CYB5A: variants seen among roughly 807,000 people sequenced by gnomAD.
CYB5A encodes the protein cytochrome b5 type A.
CYB5A carries 10 observed loss-of-function variants against 16.2 expected under a neutral mutation model. That is an observed-to-expected ratio of 0.62 (90% CI 0.38 to 1.04). The LOEUF (loss-of-function observed/expected upper bound fraction) is 1.04, where lower values mean the gene tolerates loss of function less well. CYB5A is among the 50% of genes least tolerant of loss of function. The probability of loss-of-function intolerance (pLI) is 0.01; values close to 1 mark genes in which losing one functional copy is unlikely to be tolerated. For synonymous variants in CYB5A, 62 were observed against 57.0 expected (o/e 1.09, Z -0.40); for missense variants, 161 against 165.9 (o/e 0.97, Z 0.16).
chr18:74,256,116 G>A (rs181840861), intron 3 of CYB5A: 40 of 229,036 alleles, frequency 1.7e-4, no homozygotes, highest in African/African-American at 8.0e-4. Flanking sequence ...ACAATCCCAC[G>A]TCACCTTTAG....
intron 1 of CYB5A, among the ~76,000 whole-genome samples, chr18:74,285,166 A>G (rs1187242105): frequency 6.6e-6 from 1 of 152,232 alleles, no homozygotes; most frequent in East Asian, 1.9e-4. Context: ...CTTGGAAAGC[A>G]CTGGTCTATG....
intron 1 of CYB5A, among the ~76,000 whole-genome samples, chr18:74,266,043 A>C (rs1489137952): frequency 1.3e-5 from 2 of 152,168 alleles, no homozygotes; most frequent in Non-Finnish European, 2.9e-5. Context: ...GCATTCCCCA[A>C]TTTACTGAAA....
chr18:74,260,590 A>C, intron 3 of CYB5A: 1 of 396,286 alleles, frequency 2.5e-6, no homozygotes. Context: ...AAGTTCTCTG[A>C]AAATAAGGCT....
chr18:74,262,401 G>A (rs1426789996), intron 2 of CYB5A, among the ~76,000 whole-genome samples: 3 of 150,164 alleles, frequency 2.0e-5, no homozygotes, highest in Non-Finnish European at 4.4e-5. Flanking sequence ...GGTTGCAGTG[G>A]GCCGAGATCG....
intron 1 of CYB5A, among the ~76,000 whole-genome samples, chr18:74,287,197 A>G (rs1280894398): frequency 2.6e-5 from 4 of 151,720 alleles, no homozygotes; most frequent in African/African-American, 9.8e-5. Flanking sequence ...AATAATAATA[A>G]TGTTCCCATT....
Position 74,291,800 on chromosome 18 carries a change from T to G in CYB5A, c.76A>C (p.Thr26Pro), listed in dbSNP as rs773874716. The G allele has an allele frequency of 2.5e-6, 4 of 1,613,922 alleles. No homozygotes were observed. The highest frequency in any genetic ancestry group is 3.3e-5 in the Admixed American group (2 of 60,026). Residue 26 changes from threonine (T) to proline (P), a missense_variant, in exon 1 of 5, where the codon ACC (threonine) becomes CCC (proline). Physicochemically the swap from Thr to Pro is conservative, Grantham distance 38 (BLOSUM62 -1). Transcript: ENST00000340533. ...ACCTTGTGGTGCAGGATCAGCCAGG[T>G]GCTCTTGCTGTGGTTGTGCTTCTGA... ...EIQKHNHSKS[T>P]WLILHHKVYD...
intron 1 of CYB5A, 86 bp downstream of exon 1, chr18:74,291,661 C>T: frequency 6.3e-7 from 1 of 1,595,394 alleles, no homozygotes; most frequent in African/African-American, 1.3e-5. Context: ...TATGCGGACT[C>T]CGGGCCGCGA....
intron 1 of CYB5A, among the ~76,000 whole-genome samples, chr18:74,285,483 G>A (rs1157397042): frequency 2.0e-5 from 3 of 152,164 alleles, no homozygotes; most frequent in Non-Finnish European, 2.9e-5. Context: ...CCAAATTCAG[G>A]AAGGGAGGTG....
At chr18:74,268,083 T>A (rs7234337) in intron 1 of CYB5A, among the ~76,000 whole-genome samples, 1 of 152,206 alleles carries the variant, frequency 6.6e-6, no homozygotes, top group Non-Finnish European at 1.5e-5. Context: ...CAAACACACA[T>A]GAACGTCTCC....
intron 1 of CYB5A, among the ~76,000 whole-genome samples, chr18:74,284,419 C>T (rs1435495647): frequency 1.3e-5 from 2 of 152,072 alleles, no homozygotes; most frequent in Non-Finnish European, 2.9e-5. Flanking sequence ...TAAAGAATAG[C>T]ATTTACTTGG....
At chr18:74,272,425 T>A (rs1393736460) in intron 1 of CYB5A, among the ~76,000 whole-genome samples, 1 of 152,216 alleles carries the variant, frequency 6.6e-6, no homozygotes, top group Non-Finnish European at 1.5e-5. Context: ...GCACCCTTTC[T>A]GCAGAAAGTA....
At position 74,276,263 on chromosome 18, in the gene CYB5A, T is replaced by C. The variant is rs148448340; in HGVS notation, c.130-12786A>G. On this transcript the variant is annotated intron_variant, in intron 1 of 4. Coordinates refer to ENST00000340533, the MANE Select transcript of CYB5A (RefSeq NM_148923.4). The stretch of plus-strand genomic sequence containing the variant: ...TGAAGCCCAGTGCCACACTGATAGC[T>C]CACGAGGGAGGTGGGACGGGAACCC... Among the ~76,000 whole-genome samples the C allele has an allele frequency of 3.7e-3, 559 of 152,132 alleles. 1 individual carries two copies. Among genetic ancestry groups the C allele is most frequent in the Middle Eastern group, 0.01 (3 of 294 alleles).
intron 1 of CYB5A, among the ~76,000 whole-genome samples, chr18:74,281,743 C>CTG (rs112934460): frequency 0.03 from 4,107 of 138,810 alleles, 117 homozygotes; most frequent in African/African-American, 0.065. Flanking sequence ...TCAAGGGAGG[C>CTG]TGTGTGTGTG....
chr18:74,264,201 A>T (rs1251069703), intron 1 of CYB5A, among the ~76,000 whole-genome samples: 64 of 78,780 alleles, frequency 8.1e-4, no homozygotes, highest in African/African-American at 2.8e-3. Flanking sequence ...ACAAAGTGAG[A>T]CTCTGTCTCA....
chr18:74,280,785 G>A (rs968294000), intron 1 of CYB5A, among the ~76,000 whole-genome samples: 20 of 152,162 alleles, frequency 1.3e-4, no homozygotes, highest in Admixed American at 5.9e-4. Flanking sequence ...ATCTTTGTGC[G>A]AGTCTATCTC....
Position 74,277,774 on chromosome 18 carries a change from C to T in CYB5A, c.129+13973G>A, listed in dbSNP as rs138954878. On this transcript the variant is annotated intron_variant, in intron 1 of 4. Transcript: ENST00000340533. ...TGAGCAAGGGGAGGCATCCCAAGCC[C>T]GGGACACAGACACATAGAGGCCCTG... 1.7e-3 allele frequency among the ~76,000 whole-genome samples: 257 copies of T among 152,142 alleles called. 1 individual carries two copies. Among genetic ancestry groups the T allele is most frequent in the African/African-American group, 5.7e-3 (236 of 41,512 alleles).
chr18:74,281,677 G>T (rs1436555785), intron 1 of CYB5A, among the ~76,000 whole-genome samples: 1 of 151,966 alleles, frequency 6.6e-6, no homozygotes, highest in Non-Finnish European at 1.5e-5. Context: ...CCTTTCAGAG[G>T]CTTCTACTAT....
At chr18:74,257,018 A>G (rs916794964) in intron 3 of CYB5A, 1 of 606,712 alleles carries the variant, frequency 1.6e-6, no homozygotes, top group African/African-American at 1.8e-5. Context: ...AAAAATTACT[A>G]GAAATAATCA....
intron 2 of CYB5A, 168 bp from the exon 3 acceptor site, chr18:74,261,112 A>C (rs1982182281): frequency 3.2e-6 from 2 of 616,930 alleles, no homozygotes; most frequent in East Asian, 6.0e-5. Context: ...TAACAGCAAA[A>C]ATTAGTAGCA....
Sources: allele counts gnomAD v4.1 joint callset (sites outside exome capture counted in the v4.1 genomes callset), GRCh38; gene constraint gnomAD v4.1.1; transcripts MANE v1.5; gene names NCBI Gene and HGNC (gene_info 2026-07-23, HGNC 2026-07-21).